NPSR1: variants seen among roughly 807,000 people sequenced by gnomAD.
NPSR1 encodes the protein neuropeptide S receptor 1, also known as neuropeptide S receptor.
A neutral mutation model predicts 46.9 loss-of-function variants in NPSR1; 48 were observed. That is an observed-to-expected ratio of 1.02 (90% CI 0.81 to 1.30). NPSR1 has a LOEUF of 1.30. Among genes scored for constraint, NPSR1 ranks in the 50% most tolerant of loss-of-function variants. The pLI, the probability that NPSR1 is intolerant of heterozygous loss-of-function variation, is 0.00. For missense variants in NPSR1, 450 were observed against 449.5 expected, an observed-to-expected ratio of 1.00 and a Z score of -0.01; for synonymous variants, 176 against 168.1, an observed-to-expected ratio of 1.05 and a Z score of -0.36.
intron 8 of NPSR1, among the ~76,000 whole-genome samples, chr7:34,860,948 T>C (rs1791179727): frequency 6.6e-6 from 1 of 151,884 alleles, no homozygotes. Context: ...AGACAGCCGT[T>C]GCTGTAACAC....
At chr7:34,856,834 A>T (rs1218370518) in intron 8 of NPSR1, among the ~76,000 whole-genome samples, 1 of 151,560 alleles carries the variant, frequency 6.6e-6, no homozygotes, top group Non-Finnish European at 1.5e-5. Flanking sequence ...CATGATTGAG[A>T]GGCAGGAGGA....
intron 3 of NPSR1, among the ~76,000 whole-genome samples, chr7:34,805,000 G>A (rs1788623055): frequency 6.6e-6 from 1 of 151,396 alleles, no homozygotes; most frequent in African/African-American, 2.4e-5. Flanking sequence ...AAGATCTATT[G>A]AAGACGACTA....
intron 8 of NPSR1, among the ~76,000 whole-genome samples, chr7:34,871,244 G>C (rs1041360609): frequency 1.3e-5 from 2 of 151,534 alleles, no homozygotes; most frequent in Non-Finnish European, 2.9e-5. Flanking sequence ...GAGGGAGGAG[G>C]CACCACACTC....
chr7:34,833,674 C>T (rs1201814404), intron 5 of NPSR1, among the ~76,000 whole-genome samples: 1 of 152,184 alleles, frequency 6.6e-6, no homozygotes, highest in African/African-American at 2.4e-5. Flanking sequence ...AAGAATTTGG[C>T]CGTGGCTTAA....
intron 1 of NPSR1, 30 bp from the exon 2 acceptor site, chr7:34,684,522 A>G (rs748160260): frequency 1.2e-6 from 2 of 1,610,224 alleles, no homozygotes; most frequent in Non-Finnish European, 1.7e-6. Context: ...TCACTGGTAC[A>G]CTGGTTTTAT....
At chr7:34,792,664 T>TA (rs1562733068) in intron 3 of NPSR1, among the ~76,000 whole-genome samples, 26 of 70,908 alleles carry the variant, frequency 3.7e-4, no homozygotes, top group African/African-American at 9.8e-4. Context: ...TATATATATA[T>TA]TTATATATAT....
chr7:34,725,742 G>A (rs978553265), intron 2 of NPSR1, among the ~76,000 whole-genome samples: 1 of 152,216 alleles, frequency 6.6e-6, no homozygotes, highest in Non-Finnish European at 1.5e-5. Context: ...ATTGGCAAAA[G>A]ACAGACATCG....
At chr7:34,749,694 A>G (rs1054439883) in intron 2 of NPSR1, among the ~76,000 whole-genome samples, 3 of 152,230 alleles carry the variant, frequency 2.0e-5, no homozygotes, top group African/African-American at 7.2e-5. Context: ...CAAGTTGCCA[A>G]TCACAGCTTG....
Position 34,784,465 on chromosome 7 carries a change from T to C in NPSR1, c.384+5900T>C, listed in dbSNP as rs1439558807. Among the ~76,000 whole-genome samples the C allele has an allele frequency of 2.6e-5, 4 of 152,260 alleles. No homozygotes were observed. In the East Asian group the frequency reaches 7.7e-4, roughly 29 times the overall value. On this transcript the variant is annotated intron_variant, in intron 3 of 8. Coordinates refer to ENST00000360581, the MANE Select transcript of NPSR1 (RefSeq NM_207172.2). ...ATCATGTGGTTTTTGTCTTTGGTTC[T>C]GTTTATATGCTGGATTACATTTATT...
intron 1 of NPSR1, among the ~76,000 whole-genome samples, chr7:34,663,041 T>TTCTCTCTCTCTCTC (rs376420280): frequency 0.03 from 3,256 of 108,242 alleles, 110 homozygotes; most frequent in Non-Finnish European, 0.034. Context: ...TGTAGTGCAT[T>TTCTCTCTCTCTCTC]TCTCTCTCTC....
chr7:34,731,535 C>A (rs563566226), intron 2 of NPSR1, among the ~76,000 whole-genome samples: 8 of 152,074 alleles, frequency 5.3e-5, no homozygotes, highest in Non-Finnish European at 1.0e-4. Flanking sequence ...TCTAATTATT[C>A]CACCAATATG....
rs1790884347 is a variant in NPSR1 at position 34,849,891 on chromosome 7, C to T, written c.*236C>T. 3.9e-6 allele frequency: 5 copies of T among 1,291,972 alleles called. No individual in the cohort carries two copies. The African/African-American group carries it at 7.5e-5, about 19-fold the overall frequency. The allele number at this position is 1,291,972 out of a possible 1,614,324, so 80.0% of individuals were successfully genotyped here. A position where few individuals can be genotyped will look rare whatever the true frequency, so the allele number is the denominator to read the frequency against. On this transcript the variant is annotated 3_prime_UTR_variant, in exon 9 of 9. Coordinates refer to ENST00000360581, the MANE Select transcript of NPSR1 (RefSeq NM_207172.2). ...AAACGCCTTCCTTCCCCACCATTCC[C>T]AGCCCTCCTTCCCACTGGCCAGCAC...
intron 8 of NPSR1, among the ~76,000 whole-genome samples, chr7:34,870,909 TG>T (rs1791438465): frequency 2.7e-5 from 4 of 150,762 alleles, no homozygotes; most frequent in Admixed American, 1.3e-4. Flanking sequence ...GATGAATGGA[TG>T]GATGGATAGA....
chr7:34,795,586 A>G (rs1788136644), intron 3 of NPSR1, among the ~76,000 whole-genome samples: 1 of 152,142 alleles, frequency 6.6e-6, no homozygotes. Context: ...TAATATACAA[A>G]AGTTCATTGC....
intron 3 of NPSR1, among the ~76,000 whole-genome samples, chr7:34,794,143 A>C (rs1008689594): frequency 1.2e-4 from 18 of 152,114 alleles, no homozygotes; most frequent in African/African-American, 4.3e-4. Flanking sequence ...AACGGGTTCT[A>C]GTGTTCTATT....
At chr7:34,738,093 G>C (rs1346217025) in intron 2 of NPSR1, among the ~76,000 whole-genome samples, 1 of 152,186 alleles carries the variant, frequency 6.6e-6, no homozygotes, top group Non-Finnish European at 1.5e-5. Flanking sequence ...GAGCATTATG[G>C]TTGAAGGCCA....
Position 34,805,866 on chromosome 7 carries a change from G to A in NPSR1, c.385-5904G>A, listed in dbSNP as rs148650719. 1.4e-3 allele frequency among the ~76,000 whole-genome samples: 206 copies of A among 151,774 alleles called. 2 individuals are homozygous for A. The highest frequency in any genetic ancestry group is 2.5e-3 in the Non-Finnish European group (168 of 67,816). On this transcript the variant is annotated intron_variant, in intron 3 of 8. Transcript: ENST00000360581. ...TAAGAAAACAACTCATTTCAAAAAC[G>A]GCCAAAAGATCTGAATAAACCCTTC...
intron 2 of NPSR1, among the ~76,000 whole-genome samples, chr7:34,702,998 T>A (rs1793912291): frequency 6.6e-6 from 1 of 152,250 alleles, no homozygotes; most frequent in Non-Finnish European, 1.5e-5. Context: ...AACTGGTTTT[T>A]TGAGAGCAGA....
At chr7:34,716,405 G>A (rs985621193) in intron 2 of NPSR1, among the ~76,000 whole-genome samples, 3 of 152,186 alleles carry the variant, frequency 2.0e-5, no homozygotes, top group African/African-American at 7.2e-5. Context: ...AAGAAGAGCA[G>A]AAGAGTGTAC....
Sources: allele counts gnomAD v4.1 joint callset (sites outside exome capture counted in the v4.1 genomes callset), GRCh38; gene constraint gnomAD v4.1.1; transcripts MANE v1.5; gene names NCBI Gene and HGNC (gene_info 2026-07-23, HGNC 2026-07-21).